KCNIP1: variants seen among roughly 807,000 people sequenced by gnomAD.
KCNIP1 encodes the protein A-type potassium channel modulatory protein KCNIP1.
A neutral mutation model predicts 33.0 loss-of-function variants in KCNIP1; 18 were observed. That is an observed-to-expected ratio of 0.55 (90% CI 0.38 to 0.81). The LOEUF (loss-of-function observed/expected upper bound fraction) is 0.81, where lower values mean the gene tolerates loss of function less well. Among genes scored for constraint, KCNIP1 ranks in the 30% least tolerant of loss-of-function variants. The pLI, the probability that KCNIP1 is intolerant of heterozygous loss-of-function variation, is 0.00. For synonymous variants in KCNIP1, 93 were observed against 98.3 expected (o/e 0.95, Z 0.32); for missense variants, 238 against 271.6 (o/e 0.88, Z 0.87).
At chr5:170,587,079 G>A (rs1277825836) in intron 1 of KCNIP1, among the ~76,000 whole-genome samples, 1 of 152,162 alleles carries the variant, frequency 6.6e-6, no homozygotes. Context: ...GGGTGTATGA[G>A]TTTCCTGTTG....
intron 1 of KCNIP1, among the ~76,000 whole-genome samples, chr5:170,413,502 G>T (rs1240672251): frequency 6.6e-6 from 1 of 152,134 alleles, no homozygotes; most frequent in Non-Finnish European, 1.5e-5. Flanking sequence ...TCTCTCCTGG[G>T]TGTGACCTTG....
At chr5:170,651,610 T>G (rs993168149) in intron 1 of KCNIP1, among the ~76,000 whole-genome samples, 6 of 152,200 alleles carry the variant, frequency 3.9e-5, no homozygotes, top group Non-Finnish European at 7.3e-5. Context: ...CCCAGCTGAT[T>G]GTTTTCTTTG....
chr5:170,698,386 T>C (rs1762971570), intron 1 of KCNIP1, among the ~76,000 whole-genome samples: 1 of 152,202 alleles, frequency 6.6e-6, no homozygotes, highest in East Asian at 1.9e-4. Context: ...AACATGGGCT[T>C]TGGCATCAAG....
intron 1 of KCNIP1, among the ~76,000 whole-genome samples, chr5:170,508,027 TGAG>T (rs978287732): frequency 3.9e-5 from 6 of 152,146 alleles, no homozygotes; most frequent in Admixed American, 2.0e-4. Context: ...GCTAGGGCAT[TGAG>T]GAGAACCAGA....
intron 1 of KCNIP1, among the ~76,000 whole-genome samples, chr5:170,557,500 G>A (rs773180471): frequency 2.0e-5 from 3 of 152,112 alleles, no homozygotes; most frequent in African/African-American, 4.8e-5. Flanking sequence ...GCCTCCTGCT[G>A]TGTCCCAAGC....
At chr5:170,557,685 G>A (rs1756887356) in intron 1 of KCNIP1, among the ~76,000 whole-genome samples, 1 of 152,216 alleles carries the variant, frequency 6.6e-6, no homozygotes, top group Non-Finnish European at 1.5e-5. Flanking sequence ...AGAGGAAGCA[G>A]TTTGTACAAA....
intron 1 of KCNIP1, among the ~76,000 whole-genome samples, chr5:170,467,481 A>G (rs970393943): frequency 2.0e-5 from 3 of 152,166 alleles, no homozygotes; most frequent in Admixed American, 1.3e-4. Context: ...CTTTACTACC[A>G]GTGGAAAGAA....
At chr5:170,484,475 G>A (rs1223271196) in intron 1 of KCNIP1, among the ~76,000 whole-genome samples, 2 of 152,148 alleles carry the variant, frequency 1.3e-5, no homozygotes, top group Non-Finnish European at 2.9e-5. Flanking sequence ...GCTGGAAAGA[G>A]CCTGGTGGCT....
chr5:170,596,790 C>G (rs942268815), intron 1 of KCNIP1, among the ~76,000 whole-genome samples: 1 of 152,202 alleles, frequency 6.6e-6, no homozygotes, highest in African/African-American at 2.4e-5. Flanking sequence ...ACAGAAAGCA[C>G]AGATGCTAGA....
At chr5:170,437,748 G>A (rs904709618) in intron 1 of KCNIP1, among the ~76,000 whole-genome samples, 2 of 152,168 alleles carry the variant, frequency 1.3e-5, no homozygotes, top group Non-Finnish European at 2.9e-5. Flanking sequence ...CCTCCAGCCC[G>A]CCATGCTTCC....
At chr5:170,415,978 G>C (rs1755319329) in intron 1 of KCNIP1, among the ~76,000 whole-genome samples, 1 of 152,150 alleles carries the variant, frequency 6.6e-6, no homozygotes, top group Non-Finnish European at 1.5e-5. Flanking sequence ...GGCTGCTGGG[G>C]AGGAGAGGGG....
chr5:170,718,814 G>C lies in KCNIP1; in HGVS notation c.118G>C (p.Glu40Gln), dbSNP rs748710812. 1.2e-6 allele frequency: 2 copies of C among 1,610,364 alleles called. No individual in the cohort carries two copies. The highest frequency in any genetic ancestry group is 2.7e-5 in the African/African-American group (2 of 74,406). The change falls in exon 2 of 8, where the codon GAG (glutamate) becomes CAG (glutamine). Residue 40 changes from glutamate to glutamine, a missense_variant. Physicochemically the swap from Glu to Gln is conservative, Grantham distance 29. Coordinates refer to ENST00000328939, the MANE Select transcript of KCNIP1 (RefSeq NM_014592.4). ...TMVCHRPEGLEQLEAQTNFTK... is the reference protein window; with the variant it reads ...TMVCHRPEGLQQLEAQTNFTK... ...GGTTTGCCATCGGCCCGAGGGACTGGAGCAGCTCGAGGCCCAGACCAACTT... is the reference window on the plus strand; with the variant it reads ...GGTTTGCCATCGGCCCGAGGGACTGCAGCAGCTCGAGGCCCAGACCAACTT...
chr5:170,367,088 G>A (rs1581113808), intron 1 of KCNIP1, among the ~76,000 whole-genome samples: 1 of 152,276 alleles, frequency 6.6e-6, no homozygotes, highest in East Asian at 1.9e-4. Context: ...GGAGGCTGAG[G>A]CAGGTGGATC....
intron 1 of KCNIP1, among the ~76,000 whole-genome samples, chr5:170,578,091 C>T (rs1177327911): frequency 6.6e-6 from 1 of 152,232 alleles, no homozygotes; most frequent in Non-Finnish European, 1.5e-5. Context: ...GTCTTGAGTG[C>T]CCACTATGTG....
At chr5:170,644,105 C>T (rs1231766585) in intron 1 of KCNIP1, among the ~76,000 whole-genome samples, 2 of 152,178 alleles carry the variant, frequency 1.3e-5, no homozygotes, top group Non-Finnish European at 2.9e-5. Context: ...CAGAGGAAGC[C>T]CATAGAGGGT....
chr5:170,438,325 G>A lies in KCNIP1; in HGVS notation c.88+84361G>A, dbSNP rs533717778. 7.7e-4 allele frequency among the ~76,000 whole-genome samples: 117 copies of A among 152,194 alleles called. 1 individual carries two copies. The highest frequency in any genetic ancestry group is 1.5e-3 in the Non-Finnish European group (100 of 68,024). ...CAAACTCTGGCTTGAGCTCAGAGCA[G>A]GGCCCACTCTGGGCTTGAAAATACC... On this transcript the variant is annotated intron_variant, in intron 1 of 7. Coordinates refer to the KCNIP1 transcript ENST00000377360.
intron 1 of KCNIP1, among the ~76,000 whole-genome samples, chr5:170,518,115 T>G (rs1755218695): frequency 6.6e-6 from 1 of 151,898 alleles, no homozygotes; most frequent in Non-Finnish European, 1.5e-5. Flanking sequence ...TGAAAGGTGG[T>G]GATGGTGGCA....
At chr5:170,631,397 G>A (rs1441949492) in intron 1 of KCNIP1, among the ~76,000 whole-genome samples, 3 of 152,062 alleles carry the variant, frequency 2.0e-5, no homozygotes, top group Non-Finnish European at 4.4e-5. Context: ...ACTGCCCCAG[G>A]AAGGGGCTTC....
At chr5:170,718,728 C>A in intron 1 of KCNIP1, 30 bp from the exon 2 acceptor site, 1 of 1,613,088 alleles carries the variant, frequency 6.2e-7, no homozygotes, top group Non-Finnish European at 8.5e-7. Context: ...CCAAGCTCAA[C>A]CATTCCAATG....
Sources: gnomAD v4.1 joint callset for allele counts (sites outside exome capture counted in the v4.1 genomes callset) on GRCh38, gnomAD v4.1.1 for gene constraint, MANE v1.5 for transcripts, NCBI Gene and HGNC (gene_info 2026-07-23, HGNC 2026-07-21) for gene names.